SEC22C: variants seen among roughly 807,000 people sequenced by gnomAD.
SEC22C encodes the protein SEC22 homolog C, vesicle trafficking protein, also known as vesicle-trafficking protein SEC22c.
In SEC22C, 29 loss-of-function variants were observed where a neutral mutation model predicts 34.7. The observed-to-expected ratio is 0.84, with a 90% CI of 0.62 to 1.14. The LOEUF (loss-of-function observed/expected upper bound fraction) is 1.14. Among genes scored for constraint, SEC22C ranks in the 50% most tolerant of loss-of-function variants. The pLI is 0.00. For synonymous variants in SEC22C, 117 were observed against 132.8 expected (o/e 0.88, Z 0.82); for missense variants, 337 against 369.0 (o/e 0.91, Z 0.71).
Position 42,549,030 on chromosome 3 carries a change from C to A in SEC22C, c.*4218G>T. 4 of 984,212 alleles carry A rather than the reference C, an allele frequency of 4.1e-6. No individual in the cohort carries two copies. Among genetic ancestry groups the A allele is most frequent in the Non-Finnish European group, 4.9e-6 (4 of 814,110 alleles). The allele number at this position is 984,212 out of a possible 1,614,324, so 61.0% of individuals were successfully genotyped here. A position where few individuals can be genotyped will look rare whatever the true frequency, so the allele number is the denominator to read the frequency against. ...CTGATGGGCAGTGATTTGTGCACTG[C>A]GACATAGGACTCAGTGAAGAGCCTA... On this transcript the variant is annotated 3_prime_UTR_variant, in exon 7 of 7. Transcript: ENST00000264454.
At chr3:42,592,515 A>T in intron 1 of SEC22C, among the ~76,000 whole-genome samples, 1 of 152,164 alleles carries the variant, frequency 6.6e-6, no homozygotes, top group Non-Finnish European at 1.5e-5. Flanking sequence ...CCCATTTCTT[A>T]TAGAAAAATA....
Position 42,551,365 on chromosome 3 carries a change from A to C in SEC22C, c.*1883T>G. The C allele has an allele frequency of 5.1e-6, 5 of 983,848 alleles. No individual in the cohort carries two copies. In the South Asian group the frequency reaches 1.9e-4, roughly 37 times the overall value. 60.9% of individuals were successfully genotyped at this position (983,848 alleles called of 1,614,324 possible). On this transcript the variant is annotated 3_prime_UTR_variant, in exon 7 of 7. Transcript: ENST00000264454. ...TTTCATATTCAGACTTTTTAGAGAC[A>C]GGGTTTCACTCTGTCATGCAGGCTG...
chr3:42,568,855 G>T lies in SEC22C; in HGVS notation c.182+10C>A. 6.2e-7 allele frequency: 1 copy of T among 1,611,174 alleles called. No individual in the cohort carries two copies. Among genetic ancestry groups the T allele is most frequent in the South Asian group, 1.1e-5 (1 of 90,964 alleles). On this transcript the variant is annotated intron_variant, in intron 2 of 6. Transcript: ENST00000264454. ...GCTAATATTCTGAAAAAGTGAATAT[G>T]ATCACTTACTGTATACTAAAGTCAC...
chr3:42,558,475 G>T (rs1230474934), intron 4 of SEC22C, among the ~76,000 whole-genome samples: 3 of 128,876 alleles, frequency 2.3e-5, no homozygotes, highest in Non-Finnish European at 4.7e-5. Context: ...GCAACATAGC[G>T]ACCTTGTCTC....
intron 6 of SEC22C, among the ~76,000 whole-genome samples, chr3:42,555,037 T>C (rs942603629): frequency 1.3e-5 from 2 of 152,064 alleles, no homozygotes; most frequent in African/African-American, 4.8e-5. Context: ...TATATATGTA[T>C]ATATTTTTTA....
chr3:42,564,402 A>C (rs928712492), intron 2 of SEC22C: 2 of 153,664 alleles, frequency 1.3e-5, no homozygotes, highest in African/African-American at 4.8e-5. Context: ...ACTCATCCCT[A>C]TGGGACTTTT....
rs1234117904 is a variant in SEC22C, at chr3:42,549,079, G to C, written c.*4169C>G. ...TAGCCAGCTGACGGTCAGCTGACTG[G>C]TGCACTCTTTCCCTCACCTTCTCTC... On this transcript the variant is annotated 3_prime_UTR_variant, in exon 7 of 7. Transcript: ENST00000264454. 1.0e-6 allele frequency: 1 copy of C among 994,974 alleles called. No homozygotes were observed. The highest frequency in any genetic ancestry group is 1.0e-4 in the East Asian group (1 of 9,760). The allele number at this position is 994,974 out of a possible 1,614,324, so 61.6% of individuals were successfully genotyped here. A position where few individuals can be genotyped will look rare whatever the true frequency, so the allele number is the denominator to read the frequency against.
Position 42,574,756 on chromosome 3 carries a change from C to T in SEC22C, c.-27-5683G>A, listed in dbSNP as rs574841331. On this transcript the variant is annotated intron_variant, in intron 1 of 6. Coordinates refer to ENST00000264454, the MANE Select transcript of SEC22C (RefSeq NM_032970.4). ...AGTCATACACATACTCACACACAAA[C>T]ACATATACACCCCACTAAAAACTAT... 1.1e-4 allele frequency among the ~76,000 whole-genome samples: 16 copies of T among 152,262 alleles called. No individual in the cohort carries two copies. In the East Asian group the frequency reaches 1.2e-3, roughly 11 times the overall value.
chr3:42,548,863 G>A lies in SEC22C; in HGVS notation c.*4385C>T, dbSNP rs2125688739. On this transcript the variant is annotated 3_prime_UTR_variant, in exon 7 of 7. Coordinates refer to ENST00000264454, the MANE Select transcript of SEC22C (RefSeq NM_032970.4). ...AAGCAGAAAAACCTTCATGTACCAG[G>A]TGAATGTAAAGCCTTTCTCCTCCCA... The A allele has an allele frequency of 1.4e-6, 2 of 1,391,250 alleles. No homozygotes were observed. The highest frequency in any genetic ancestry group is 9.3e-7 in the Non-Finnish European group (1 of 1,072,316). 86.2% of individuals were successfully genotyped at this position (1,391,250 alleles called of 1,614,324 possible).
Position 42,550,683 on chromosome 3 carries a change from T to C in SEC22C, c.*2565A>G. On this transcript the variant is annotated 3_prime_UTR_variant, in exon 7 of 7. Transcript: ENST00000264454. ...TTCGACCTGGTGTGGATAACATCTC[T>C]GGTAGTGCCTCGGTGGTCAGGAAGC... 1.0e-6 allele frequency: 1 copy of C among 985,326 alleles called. No individual in the cohort carries two copies. The highest frequency in any genetic ancestry group is 1.2e-6 in the Non-Finnish European group (1 of 829,918). 61.0% of individuals were successfully genotyped at this position (985,326 alleles called of 1,614,324 possible).
At chr3:42,556,111 G>A (rs1448915953) in intron 5 of SEC22C, 116 bp from the exon 6 acceptor site, 2 of 741,156 alleles carry the variant, frequency 2.7e-6, no homozygotes, top group Non-Finnish European at 2.2e-6. Flanking sequence ...AAAATCCCTG[G>A]CTGGGTGAGA....
At chr3:42,595,991 TTC>T (rs1486822832) in intron 1 of SEC22C, among the ~76,000 whole-genome samples, 9 of 152,258 alleles carry the variant, frequency 5.9e-5, no homozygotes, top group African/African-American at 2.2e-4. Context: ...TCTTTCTTTT[TTC>T]TTTTTCTTCT....
intron 1 of SEC22C, chr3:42,587,611 C>T (rs1704659345): frequency 1.3e-5 from 2 of 152,122 alleles, no homozygotes; most frequent in South Asian, 4.1e-4. Context: ...TGGCGAGCGC[C>T]TGTAGTCCCA....
chr3:42,594,162 C>T (rs376931830), intron 1 of SEC22C, among the ~76,000 whole-genome samples: 3 of 152,274 alleles, frequency 2.0e-5, no homozygotes, highest in South Asian at 2.1e-4. Context: ...AAAGTAGGTG[C>T]GCAAAGATAG....
rs995461677 is a variant in SEC22C, at chr3:42,579,174, G to A, written c.-28+2672C>T. Among the ~76,000 whole-genome samples the A allele has an allele frequency of 3.3e-5, 5 of 152,274 alleles. No individual in the cohort carries two copies. The East Asian group carries it at 9.6e-4, about 29-fold the overall frequency. ...TGCCTGTAATCCCAGCTATTCAGAA[G>A]GCTGAGGCAGGAGAGTCACTTGAAC... On this transcript the variant is annotated intron_variant, in intron 1 of 6. Coordinates refer to ENST00000264454, the MANE Select transcript of SEC22C (RefSeq NM_032970.4).
Position 42,590,361 on chromosome 3 carries a change from T to C in SEC22C, c.-28+10599A>G, listed in dbSNP as rs78095399. Among the ~76,000 whole-genome samples the C allele has an allele frequency of 5.4e-3, 816 of 152,136 alleles. 8 individuals are homozygous for C. The highest frequency in any genetic ancestry group is 0.019 in the African/African-American group (779 of 41,516). ...AAGCCGAGCAAACCGCTCCTGCAGA[T>C]AGATTGAGTATGCACACCCAGCACT... is the stretch of plus-strand genomic sequence containing the variant. On this transcript the variant is annotated intron_variant, in intron 1 of 6. Coordinates refer to the SEC22C transcript ENST00000417572.
At chr3:42,583,599 C>T (rs996963059), upstream of SEC22C, among the ~76,000 whole-genome samples, 5 of 152,140 alleles carry the variant, frequency 3.3e-5, no homozygotes, top group African/African-American at 1.2e-4. Context: ...TTAAGGGATA[C>T]TCAGGTAGCT....
chr3:42,555,480 A>G (rs1422031231), intron 6 of SEC22C, among the ~76,000 whole-genome samples: 2 of 152,284 alleles, frequency 1.3e-5, no homozygotes, highest in Middle Eastern at 3.4e-3. Flanking sequence ...GTGAGCCACA[A>G]TGCCTGCCTA....
chr3:42,589,894 T>C (rs903338197), intron 1 of SEC22C, among the ~76,000 whole-genome samples: 1 of 152,070 alleles, frequency 6.6e-6, no homozygotes, highest in African/African-American at 2.4e-5. Flanking sequence ...CCCAAGAAGG[T>C]ATGTCCAGCT....
Sources: gnomAD v4.1 joint callset for allele counts (sites outside exome capture counted in the v4.1 genomes callset) on GRCh38, gnomAD v4.1.1 for gene constraint, MANE v1.5 for transcripts, NCBI Gene and HGNC (gene_info 2026-07-23, HGNC 2026-07-21) for gene names.